Variants in TSHZ2 observed in about 807,000 individuals in gnomAD.
TSHZ2 encodes the protein teashirt homolog 2.
Under a neutral mutation model 74.4 loss-of-function variants are expected in TSHZ2, and 21 were observed. That is an observed-to-expected ratio of 0.28 (90% confidence interval 0.20 to 0.41). The LOEUF (loss-of-function observed/expected upper bound fraction) is 0.41. TSHZ2 is among the 10% of genes least tolerant of loss of function. TSHZ2 has a pLI of 1.00. For synonymous variants in TSHZ2, 540 were observed against 515.3 expected, an observed-to-expected ratio of 1.05 and a Z score of -0.65; for missense variants, 1,244 against 1,293.5, an observed-to-expected ratio of 0.96 and a Z score of 0.59.
chr20:53,324,229 T>G (rs997174012), intron 2 of TSHZ2, among the ~76,000 whole-genome samples: 3 of 152,150 alleles, frequency 2.0e-5, no homozygotes, highest in Non-Finnish European at 1.5e-5. Context: ...GAGGTTTTTG[T>G]GTCTCGGAAT....
intron 2 of TSHZ2, among the ~76,000 whole-genome samples, chr20:53,437,882 C>T (rs1984150432): frequency 1.3e-5 from 2 of 152,322 alleles, no homozygotes; most frequent in Admixed American, 6.5e-5. Flanking sequence ...GTGCCTGCTC[C>T]TCCTTCACCT....
chr20:52,979,082 G>A (rs1981463520), intron 1 of TSHZ2, among the ~76,000 whole-genome samples: 1 of 152,044 alleles, frequency 6.6e-6, no homozygotes, highest in Non-Finnish European at 1.5e-5. Flanking sequence ...ATAAGAAAGT[G>A]GAGAGTACTT....
intron 2 of TSHZ2, among the ~76,000 whole-genome samples, chr20:53,322,213 T>C (rs1277097409): frequency 6.6e-6 from 1 of 152,194 alleles, no homozygotes; most frequent in Non-Finnish European, 1.5e-5. Flanking sequence ...GGACAGTGAT[T>C]TTATTTTGTA....
chr20:53,409,550 G>C (rs1301736684), intron 2 of TSHZ2, among the ~76,000 whole-genome samples: 4 of 151,912 alleles, frequency 2.6e-5, no homozygotes, highest in Non-Finnish European at 5.9e-5. Flanking sequence ...TTTCTAATCA[G>C]CTTGAATATT....
At chr20:53,129,649 T>A (rs1231349678) in intron 1 of TSHZ2, among the ~76,000 whole-genome samples, 1 of 152,208 alleles carries the variant, frequency 6.6e-6, no homozygotes, top group African/African-American at 2.4e-5. Context: ...ATTTTCCTTA[T>A]GAAACATGAC....
At chr20:53,223,916 CACACACACACACACA>C (rs1989623169) in intron 1 of TSHZ2, among the ~76,000 whole-genome samples, 3 of 151,838 alleles carry the variant, frequency 2.0e-5, no homozygotes, top group Non-Finnish European at 4.4e-5. Context: ...CACACACACA[CACACACACACACACA>C]CCCCTAAGTT....
At chr20:53,401,557 C>T (rs1176793442) in intron 2 of TSHZ2, among the ~76,000 whole-genome samples, 1 of 151,576 alleles carries the variant, frequency 6.6e-6, no homozygotes, top group African/African-American at 2.4e-5. Flanking sequence ...CAACCCCTCC[C>T]CCCCGAGTCC....
intron 1 of TSHZ2, among the ~76,000 whole-genome samples, chr20:53,099,654 G>A (rs924665011): frequency 1.2e-4 from 19 of 152,180 alleles, no homozygotes; most frequent in African/African-American, 2.7e-4. Flanking sequence ...GGCGGAAGGC[G>A]AAAGGCATGT....
At chr20:52,992,694 G>T (rs530151718) in intron 1 of TSHZ2, among the ~76,000 whole-genome samples, 1 of 152,274 alleles carries the variant, frequency 6.6e-6, no homozygotes, top group East Asian at 1.9e-4. Context: ...AAAAGTTGGG[G>T]AAATGAGTTT....
At chr20:53,157,481 A>ACTG (rs1398916263) in intron 1 of TSHZ2, among the ~76,000 whole-genome samples, 2 of 147,898 alleles carry the variant, frequency 1.4e-5, no homozygotes, top group African/African-American at 2.5e-5. Context: ...ATTGTAGCTC[A>ACTG]CTGCAGTCTG....
intron 2 of TSHZ2, among the ~76,000 whole-genome samples, chr20:53,301,904 G>A (rs1224532223): frequency 1.3e-5 from 2 of 152,138 alleles, no homozygotes; most frequent in South Asian, 2.1e-4. Context: ...TTTAGCACTC[G>A]GAGATGAGAA....
chr20:53,239,019 G>A (rs1267852831), intron 1 of TSHZ2, among the ~76,000 whole-genome samples: 1 of 152,138 alleles, frequency 6.6e-6, no homozygotes, highest in Non-Finnish European at 1.5e-5. Context: ...ACAGGAAAGA[G>A]TTCCCTCAAG....
At chr20:53,240,547 A>G (rs1314886618) in intron 1 of TSHZ2, among the ~76,000 whole-genome samples, 2 of 152,160 alleles carry the variant, frequency 1.3e-5, no homozygotes, top group Non-Finnish European at 2.9e-5. Flanking sequence ...GAAGCTGCAT[A>G]TAAGGAGATG....
intron 1 of TSHZ2, among the ~76,000 whole-genome samples, chr20:52,998,372 T>C (rs142284191): frequency 3.8e-4 from 58 of 152,310 alleles, no homozygotes; most frequent in African/African-American, 1.3e-3. Flanking sequence ...TTTCGCCATG[T>C]TGGCCAGGCT....
intron 2 of TSHZ2, among the ~76,000 whole-genome samples, chr20:53,357,199 T>A (rs1980878426): frequency 1.3e-5 from 2 of 152,208 alleles, no homozygotes; most frequent in South Asian, 4.1e-4. Context: ...TAATCACTAT[T>A]ACATAGGACA....
intron 1 of TSHZ2, among the ~76,000 whole-genome samples, chr20:52,973,953 G>C (rs895778228): frequency 2.0e-5 from 3 of 152,088 alleles, no homozygotes; most frequent in Non-Finnish European, 4.4e-5. Context: ...AACCAAAAAG[G>C]GTTGTAGGGG....
chr20:53,206,198 G>A (rs8123597), intron 1 of TSHZ2, among the ~76,000 whole-genome samples: 2,001 of 152,224 alleles, frequency 0.013, 47 homozygotes, highest in African/African-American at 0.046. Context: ...CAGCCTGACG[G>A]CAGAGCCAGA....
chr20:53,144,671 T>G (rs532445901), intron 1 of TSHZ2, among the ~76,000 whole-genome samples: 1 of 152,234 alleles, frequency 6.6e-6, no homozygotes, highest in African/African-American at 2.4e-5. Flanking sequence ...TAACAACCCA[T>G]AATATTCATG....
chr20:53,142,598 C>T (rs1987430495), intron 1 of TSHZ2, among the ~76,000 whole-genome samples: 1 of 152,186 alleles, frequency 6.6e-6, no homozygotes, highest in African/African-American at 2.4e-5. Context: ...CACACATGTT[C>T]AGATATTCTG....
Sources: allele counts gnomAD v4.1 joint callset (sites outside exome capture counted in the v4.1 genomes callset), GRCh38; gene constraint gnomAD v4.1.1; transcripts MANE v1.5; gene names NCBI Gene and HGNC (gene_info 2026-07-23, HGNC 2026-07-21).